The following SLC39A8 variants were observed in gnomAD, a reference collection of about 807,000 sequenced individuals.
The protein encoded by SLC39A8 is metal cation symporter ZIP8.
Under a neutral mutation model 40.4 loss-of-function variants are expected in SLC39A8, and 15 were observed. That is an observed-to-expected ratio of 0.37 (90% CI 0.25 to 0.57). SLC39A8 has a LOEUF of 0.57. Ranked by LOEUF, SLC39A8 falls within the 20% of genes least tolerant of loss-of-function variation. The probability of loss-of-function intolerance (pLI) is 0.75; values close to 1 mark genes in which losing one functional copy is unlikely to be tolerated. For missense variants in SLC39A8, 472 were observed against 558.8 expected, an observed-to-expected ratio of 0.84 and a Z score of 1.57; for synonymous variants, 223 against 221.6, an observed-to-expected ratio of 1.01 and a Z score of -0.06.
At chr4:102,292,192 T>C (rs979887674) in intron 6 of SLC39A8, among the ~76,000 whole-genome samples, 1 of 151,986 alleles carries the variant, frequency 6.6e-6, no homozygotes, top group Non-Finnish European at 1.5e-5. Flanking sequence ...AAGTAGACTT[T>C]ACATGCTTTC....
At chr4:102,334,055 T>C (rs528481585) in intron 2 of SLC39A8, among the ~76,000 whole-genome samples, 1 of 152,246 alleles carries the variant, frequency 6.6e-6, no homozygotes, top group South Asian at 2.1e-4. Context: ...TGTGACTTGG[T>C]ATAAATTTCA....
chr4:102,322,958 G>A (rs1735025976), intron 2 of SLC39A8, among the ~76,000 whole-genome samples: 1 of 152,166 alleles, frequency 6.6e-6, no homozygotes, highest in African/African-American at 2.4e-5. Flanking sequence ...TTTTATTTTA[G>A]TCACCTCTAC....
chr4:102,328,013 G>T (rs1735292201), intron 2 of SLC39A8, among the ~76,000 whole-genome samples: 1 of 151,878 alleles, frequency 6.6e-6, no homozygotes, highest in Admixed American at 6.6e-5. Flanking sequence ...ATATAGTAAT[G>T]GGCTACAGAG....
intron 6 of SLC39A8, among the ~76,000 whole-genome samples, chr4:102,295,502 AT>A (rs1187061316): frequency 2.0e-5 from 3 of 152,012 alleles, no homozygotes; most frequent in African/African-American, 4.8e-5. Flanking sequence ...ACCTAATCTT[AT>A]TTGATTATAC....
At chr4:102,284,836 G>A (rs1004332302) in intron 6 of SLC39A8, among the ~76,000 whole-genome samples, 1 of 57,266 alleles carries the variant, frequency 1.7e-5, no homozygotes, top group Non-Finnish European at 3.6e-5. Context: ...TGCAACCCAG[G>A]AAACTATAAT....
chr4:102,284,795 T>C (rs1733082329), intron 6 of SLC39A8, among the ~76,000 whole-genome samples: 1 of 151,856 alleles, frequency 6.6e-6, no homozygotes, highest in African/African-American at 2.4e-5. Flanking sequence ...ACTTTCTAAA[T>C]GGAAATAATC....
exon 12 of SLC39A8, chr4:102,253,324 G>A: frequency 1.5e-6 from 1 of 654,620 alleles, no homozygotes; most frequent in Non-Finnish European, 2.8e-6. Flanking sequence ...ACGTCTCAAT[G>A]GTCATAACTA....
chr4:102,344,368 T>C, intron 2 of SLC39A8, 76 bp downstream of exon 2: 1 of 1,063,166 alleles, frequency 9.4e-7, no homozygotes, highest in Non-Finnish European at 1.3e-6. Flanking sequence ...TTTTCCCAAA[T>C]AAAAACGGCT....
At chr4:102,288,602 G>A (rs1455526923) in intron 6 of SLC39A8, among the ~76,000 whole-genome samples, 2 of 152,124 alleles carry the variant, frequency 1.3e-5, no homozygotes, top group African/African-American at 4.8e-5. Context: ...CAGCCAAGCT[G>A]TGAATGCAAA....
chr4:102,332,458 A>G (rs1179032512), intron 2 of SLC39A8, among the ~76,000 whole-genome samples: 1 of 152,254 alleles, frequency 6.6e-6, no homozygotes, highest in Non-Finnish European at 1.5e-5. Flanking sequence ...TCAAAACCAC[A>G]CTGATATACC....
chr4:102,342,848 G>A (rs187920432), intron 2 of SLC39A8, among the ~76,000 whole-genome samples: 2 of 152,248 alleles, frequency 1.3e-5, no homozygotes, highest in East Asian at 3.9e-4. Context: ...AACACCTCCA[G>A]ACACTGCAAG....
intron 6 of SLC39A8, among the ~76,000 whole-genome samples, chr4:102,291,931 G>A (rs1733466944): frequency 6.6e-6 from 1 of 151,760 alleles, no homozygotes; most frequent in African/African-American, 2.4e-5. Flanking sequence ...AAACCTGGGA[G>A]GATACTAAGC....
Position 102,263,047 on chromosome 4 carries a change from C to T in SLC39A8, c.1380G>A (p.Glu460=), listed in dbSNP as rs1237688526. 6.2e-7 allele frequency: 1 copy of T among 1,605,450 alleles called. No homozygotes were observed. Among genetic ancestry groups the T allele is most frequent in the Non-Finnish European group, 8.5e-7 (1 of 1,175,138 alleles). ...ITLYAGEIEL[E] ...CAACACCATCTTCCATTTTCTATTACTCCAATTCGATTTCTCCTGCATACA... is the reference window on the plus strand; with the variant it reads ...CAACACCATCTTCCATTTTCTATTATTCCAATTCGATTTCTCCTGCATACA... The change falls in exon 9 of 9, where the codon GAG becomes GAA. Residue 460 remains glutamate (E), a synonymous_variant. Transcript: ENST00000356736.
downstream of SLC39A8, chr4:102,261,620 T>C (rs1731862335): frequency 2.5e-6 from 2 of 786,772 alleles, no homozygotes; most frequent in Non-Finnish European, 3.1e-6. Context: ...AGATACATGG[T>C]AGTCACTCAA....
At chr4:102,279,356 A>C (rs1209983856) in intron 6 of SLC39A8, among the ~76,000 whole-genome samples, 1 of 152,126 alleles carries the variant, frequency 6.6e-6, no homozygotes, top group Non-Finnish European at 1.5e-5. Flanking sequence ...AGCTAGGGTA[A>C]TCACACCTAA....
intron 6 of SLC39A8, among the ~76,000 whole-genome samples, chr4:102,275,256 T>C (rs987612577): frequency 1.3e-5 from 2 of 151,088 alleles, no homozygotes; most frequent in East Asian, 3.9e-4. Flanking sequence ...GATGGAGGAA[T>C]ATTTACCAAG....
intron 2 of SLC39A8, among the ~76,000 whole-genome samples, chr4:102,333,711 C>T (rs1208423642): frequency 1.3e-5 from 2 of 152,168 alleles, no homozygotes; most frequent in Admixed American, 1.3e-4. Context: ...GGCTGAATCT[C>T]AAGAGAGAAA....
intron 2 of SLC39A8, among the ~76,000 whole-genome samples, chr4:102,329,333 T>G (rs1735348573): frequency 6.6e-6 from 1 of 151,996 alleles, no homozygotes; most frequent in Non-Finnish European, 1.5e-5. Flanking sequence ...ATATTAAAGA[T>G]TCAAGTTGGC....
At chr4:102,280,318 A>G (rs1578570402) in intron 6 of SLC39A8, among the ~76,000 whole-genome samples, 1 of 152,070 alleles carries the variant, frequency 6.6e-6, no homozygotes, top group African/African-American at 2.4e-5. Flanking sequence ...TCTCTCCCCT[A>G]TTTATTATTT....
Sources: gnomAD v4.1 joint callset for allele counts (sites outside exome capture counted in the v4.1 genomes callset) on GRCh38, gnomAD v4.1.1 for gene constraint, MANE v1.5 for transcripts, NCBI Gene and HGNC (gene_info 2026-07-23, HGNC 2026-07-21) for gene names.